RBPJ: variants seen among roughly 807,000 people sequenced by gnomAD.
RBPJ encodes the protein recombining binding protein suppressor of hairless.
In RBPJ, 9 loss-of-function variants were observed where a neutral mutation model predicts 67.8. The observed-to-expected ratio is 0.13, with a 90% CI of 0.08 to 0.23. The LOEUF (loss-of-function observed/expected upper bound fraction) is 0.23, where lower values mean the gene tolerates loss of function less well. RBPJ is among the 10% of genes least tolerant of loss of function. The pLI, the probability that RBPJ is intolerant of heterozygous loss-of-function variation, is 1.00. For missense variants in RBPJ, 305 were observed against 595.6 expected, an observed-to-expected ratio of 0.51 and a Z score of 5.08; for synonymous variants, 198 against 203.3, an observed-to-expected ratio of 0.97 and a Z score of 0.22.
At chr4:26,131,445 C>T in the RBPJ span, among the ~76,000 whole-genome samples, 1 of 152,172 alleles carries the variant, frequency 6.6e-6, no homozygotes, top group African/African-American at 2.4e-5. Flanking sequence ...CAGACACACA[C>T]ACTCACATAA....
chr4:26,207,791 T>A (rs956124582), intron 1 of RBPJ, among the ~76,000 whole-genome samples: 1 of 152,190 alleles, frequency 6.6e-6, no homozygotes, highest in African/African-American at 2.4e-5. Context: ...AGGCAAGTCA[T>A]GACTCTGCAC....
chr4:26,293,918 C>G (rs140311179), intron 1 of RBPJ, among the ~76,000 whole-genome samples: 7,447 of 151,048 alleles, frequency 0.049, 203 homozygotes, highest in East Asian at 0.1. Context: ...CCACCACACT[C>G]AGCTAATTTT....
At chr4:26,215,074 A>AAG (rs139586963) in intron 1 of RBPJ, among the ~76,000 whole-genome samples, 43,908 of 65,390 alleles carry the variant, frequency 0.67, 17,120 homozygotes, top group East Asian at 0.93. Context: ...GAAAGAGAAA[A>AAG]AGAGAGAAAA....
chr4:26,337,713 G>T (rs1725015286), intron 1 of RBPJ, among the ~76,000 whole-genome samples: 1 of 139,478 alleles, frequency 7.2e-6, no homozygotes, highest in Non-Finnish European at 1.5e-5. Flanking sequence ...GAAGGACAGG[G>T]TCTCACTCTG....
chr4:26,360,215 AT>A (rs1727891470), intron 1 of RBPJ, among the ~76,000 whole-genome samples: 1 of 152,224 alleles, frequency 6.6e-6, no homozygotes, highest in South Asian at 2.1e-4. Context: ...ACCAAAAATC[AT>A]TTTAGATTCT....
chr4:26,128,400 C>T, the RBPJ span, among the ~76,000 whole-genome samples: 1 of 152,124 alleles, frequency 6.6e-6, no homozygotes. Flanking sequence ...ATAATAATGG[C>T]AAACATTTAT....
intron 2 of RBPJ, among the ~76,000 whole-genome samples, chr4:26,396,864 T>G (rs1314325192): frequency 6.6e-6 from 1 of 152,212 alleles, no homozygotes; most frequent in Non-Finnish European, 1.5e-5. Context: ...TGTACTGTTG[T>G]TTAGCTTTGG....
intron 1 of RBPJ, among the ~76,000 whole-genome samples, chr4:26,258,606 A>C (rs1269406633): frequency 6.6e-6 from 1 of 152,234 alleles, no homozygotes; most frequent in Non-Finnish European, 1.5e-5. Context: ...ATTAAAAGAT[A>C]AAAACAAAAT....
At chr4:26,192,573 T>C (rs1338626943) in intron 1 of RBPJ, among the ~76,000 whole-genome samples, 2 of 152,288 alleles carry the variant, frequency 1.3e-5, no homozygotes, top group East Asian at 3.9e-4. Context: ...TATTGACATA[T>C]ACTAGCACTT....
chr4:26,394,664 A>G (rs1260987317), intron 2 of RBPJ, among the ~76,000 whole-genome samples: 3 of 152,138 alleles, frequency 2.0e-5, no homozygotes, highest in Admixed American at 2.0e-4. Flanking sequence ...TTCTTAGATA[A>G]GAGTAGGCCT....
At chr4:26,379,139 T>C (rs1730057255) in intron 1 of RBPJ, among the ~76,000 whole-genome samples, 1 of 152,180 alleles carries the variant, frequency 6.6e-6, no homozygotes, top group Non-Finnish European at 1.5e-5. Flanking sequence ...GCCAGTTGCA[T>C]GGCATGTCTT....
At chr4:26,318,677 C>T (rs1722747445), upstream of RBPJ, among the ~76,000 whole-genome samples, 1 of 152,094 alleles carries the variant, frequency 6.6e-6, no homozygotes, top group South Asian at 2.1e-4. Context: ...ACCCAGCTCA[C>T]AGGGCCAGCG....
intron 1 of RBPJ, chr4:26,359,595 G>GCGCGGTGCGCTCCTCGGGGT (rs1455953566): frequency 2.0e-5 from 3 of 152,072 alleles, no homozygotes; most frequent in Non-Finnish European, 4.4e-5. Flanking sequence ...TTCCCTGCTT[G>GCGCGGTGCGCTCCTCGGGGT]CGCGGTGCGC....
chr4:26,258,789 TTA>T lies in RBPJ; in HGVS notation c.-167+95177_-167+95178del, dbSNP rs1190388222. Among the ~76,000 whole-genome samples the T allele has an allele frequency of 4.8e-5, 4 of 83,272 alleles. No homozygotes were observed. In the Admixed American group the frequency reaches 5.2e-4, roughly 11 times the overall value. The allele number at this position is 83,272 out of a possible 152,430, so 54.6% of individuals were successfully genotyped here. The stretch of plus-strand genomic sequence containing the variant: ...ATATCTGTGCCCTTTAAACATTTTT[TTA>T]TTATTTATTTATTTATTTATTTATT... On this transcript the variant is annotated intron_variant, in intron 1 of 4. Transcript: ENST00000512351.
At chr4:26,302,045 G>A (rs1409064176) in intron 1 of RBPJ, among the ~76,000 whole-genome samples, 1 of 152,116 alleles carries the variant, frequency 6.6e-6, no homozygotes, top group African/African-American at 2.4e-5. Context: ...TACCTGCCTC[G>A]GCCTCCCAAA....
At chr4:26,387,008 A>G (rs1730983533) in intron 2 of RBPJ, among the ~76,000 whole-genome samples, 1 of 152,040 alleles carries the variant, frequency 6.6e-6, no homozygotes, top group African/African-American at 2.4e-5. Context: ...ATATATATAT[A>G]TGTATATGTA....
intron 1 of RBPJ, among the ~76,000 whole-genome samples, chr4:26,355,819 A>G (rs546885052): frequency 1.3e-5 from 2 of 152,336 alleles, no homozygotes; most frequent in Admixed American, 6.5e-5. Context: ...ACCATAGCTC[A>G]TGTAACAGGC....
chr4:26,303,132 G>C (rs1398287171), intron 1 of RBPJ, among the ~76,000 whole-genome samples: 1 of 150,952 alleles, frequency 6.6e-6, no homozygotes, highest in Non-Finnish European at 1.5e-5. Context: ...AGTGAGCTGA[G>C]ATCACACCAC....
intron 1 of RBPJ, among the ~76,000 whole-genome samples, chr4:26,246,865 C>CG: frequency 6.6e-6 from 1 of 152,114 alleles, no homozygotes; most frequent in Non-Finnish European, 1.5e-5. Context: ...TGAGGGGCCG[C>CG]GCACCACTAC....
Sources: allele counts gnomAD v4.1 joint callset (sites outside exome capture counted in the v4.1 genomes callset), GRCh38; gene constraint gnomAD v4.1.1; transcripts MANE v1.5; gene names NCBI Gene and HGNC (gene_info 2026-07-23, HGNC 2026-07-21).